ATXN10: variants seen among roughly 807,000 people sequenced by gnomAD.
ATXN10 encodes ataxin-10.
Under a neutral mutation model 52.9 loss-of-function variants are expected in ATXN10, and 28 were observed. The observed-to-expected ratio is 0.53, with a 90% confidence interval of 0.39 to 0.73. ATXN10 has a LOEUF of 0.73. ATXN10 is among the 30% of genes least tolerant of loss of function. The pLI, the probability that ATXN10 is intolerant of heterozygous loss-of-function variation, is 0.00. For synonymous variants in ATXN10, 226 were observed against 221.5 expected (o/e 1.02, Z -0.18); for missense variants, 565 against 577.0 (o/e 0.98, Z 0.21).
In ATXN10 at chr22:45,733,660, G is replaced by A. The variant is rs1250994502; in HGVS notation, c.894+4070G>A. On this transcript the variant is annotated intron_variant, in intron 7 of 11. Transcript: ENST00000252934. The surrounding 1 kb of genome is among the most constrained non-coding windows in gnomAD (Gnocchi z 4.4). ...CTGTCCCAGCTACTCGGGAGGCGGA[G>A]GCAGAGAATCACGTGAACCCGGGAG... Among the ~76,000 whole-genome samples the A allele has an allele frequency of 1.3e-5, 2 of 151,904 alleles. No individual in the cohort carries two copies. Among genetic ancestry groups the A allele is most frequent in the African/African-American group, 4.8e-5 (2 of 41,380 alleles).
Position 45,786,910 on chromosome 22 carries a change from T to C in ATXN10, c.1174-20049T>C, listed in dbSNP as rs1372622747. 6.6e-6 allele frequency among the ~76,000 whole-genome samples: 1 copy of C among 152,146 alleles called. No homozygotes were observed. Among genetic ancestry groups the C allele is most frequent in the Non-Finnish European group, 1.5e-5 (1 of 68,010 alleles). On this transcript the variant is annotated intron_variant, in intron 9 of 11. Transcript: ENST00000252934. This position sits in a 1 kb window ranked among gnomAD's most constrained non-coding sequence, Gnocchi z 4.1. ...GTTTTGTTTTTGTCCAGTAATTCTT[T>C]TCGGAATTTCTCCAAAGGAAATAAT... is the stretch of plus-strand genomic sequence containing the variant.
At chr22:45,777,136 A>T (rs1926987107) in intron 9 of ATXN10, among the ~76,000 whole-genome samples, 2 of 152,190 alleles carry the variant, frequency 1.3e-5, no homozygotes, top group Non-Finnish European at 1.5e-5. Flanking sequence ...GTTACTCCTA[A>T]GTGATACCTT....
intron 6 of ATXN10, among the ~76,000 whole-genome samples, chr22:45,723,734 T>TC: frequency 6.6e-6 from 1 of 152,256 alleles, no homozygotes; most frequent in African/African-American, 2.4e-5. Flanking sequence ...GGAAGTCAGA[T>TC]CACTTGAGAC....
chr22:45,820,807 G>A lies in ATXN10; in HGVS notation c.1237+13785G>A, dbSNP rs914340235. 6.6e-6 allele frequency among the ~76,000 whole-genome samples: 1 copy of A among 152,130 alleles called. No homozygotes were observed. The highest frequency in any genetic ancestry group is 2.4e-5 in the African/African-American group (1 of 41,440). ...TGAGCTGCCGGGAAAGTCGTCTTGG[G>A]GAATGGACAGACCTTTTCTTCAGGG... On this transcript the variant is annotated intron_variant, in intron 10 of 11. Transcript: ENST00000252934. This position sits in a 1 kb window ranked among gnomAD's most constrained non-coding sequence, Gnocchi z 4.9.
At chr22:45,714,501 C>T (rs1169553220) in intron 5 of ATXN10, among the ~76,000 whole-genome samples, 1 of 152,044 alleles carries the variant, frequency 6.6e-6, no homozygotes, top group Non-Finnish European at 1.5e-5. Context: ...CCTCCTCAGC[C>T]CACTGAGAAG....
intron 1 of ATXN10, chr22:45,674,211 TACTG>T (rs1184218376): frequency 2.0e-5 from 3 of 152,064 alleles, no homozygotes; most frequent in African/African-American, 7.2e-5. Flanking sequence ...GTAGAATAAA[TACTG>T]AGAGATACAA....
intron 10 of ATXN10, among the ~76,000 whole-genome samples, chr22:45,836,412 C>T (rs1283793147): frequency 1.3e-5 from 2 of 152,236 alleles, no homozygotes; most frequent in Non-Finnish European, 2.9e-5. Flanking sequence ...CTGGCCCCCT[C>T]CCTGTCTCCT....
chr22:45,799,087 G>GGT (rs1555896525), intron 9 of ATXN10, among the ~76,000 whole-genome samples: 11 of 149,500 alleles, frequency 7.4e-5, no homozygotes, highest in East Asian at 3.9e-4. Context: ...TTTGTTTTTT[G>GGT]TTTTTCTTTT....
At chr22:45,726,255 GTC>G (rs1399504749) in intron 6 of ATXN10, among the ~76,000 whole-genome samples, 3 of 152,080 alleles carry the variant, frequency 2.0e-5, no homozygotes, top group African/African-American at 7.2e-5. Context: ...TTCTTTGAAT[GTC>G]TGGTGGAATT....
rs2146898277 is a variant in ATXN10 at position 45,819,225 on chromosome 22, TAGAATAGA to T, written c.1237+12205_1237+12212del. On this transcript the variant is annotated intron_variant, in intron 10 of 11. Transcript: ENST00000252934. This position sits in a 1 kb window ranked among gnomAD's most constrained non-coding sequence, Gnocchi z 4.5. ...TAGAATAGAATAGAATAGAATAGAA[TAGAATAGA>T]ATAGAATAGAATAGAATAGGCTTTT... Among the ~76,000 whole-genome samples, 1 of 148,452 alleles carries T rather than the reference TAGAATAGA, an allele frequency of 6.7e-6. No individual in the cohort carries two copies. Among genetic ancestry groups the T allele is most frequent in the South Asian group, 2.1e-4 (1 of 4,784 alleles).
chr22:45,687,123 T>G (rs914564522), intron 1 of ATXN10, among the ~76,000 whole-genome samples: 4 of 152,336 alleles, frequency 2.6e-5, no homozygotes, highest in Non-Finnish European at 2.9e-5. Context: ...TGGCCTTAGC[T>G]CAGTTAAATG....
chr22:45,702,582 C>T, intron 4 of ATXN10, 107 bp from the exon 5 acceptor site: 1 of 1,005,496 alleles, frequency 9.9e-7, no homozygotes, highest in East Asian at 2.5e-5. Context: ...AATTCTAAAT[C>T]CTCAAAAGTA....
intron 6 of ATXN10, among the ~76,000 whole-genome samples, chr22:45,722,925 C>A (rs371842770): frequency 6.6e-6 from 1 of 152,088 alleles, no homozygotes; most frequent in Non-Finnish European, 1.5e-5. Context: ...ACTCACAAAT[C>A]TGATAAAATT....
chr22:45,836,636 A>C (rs914643964), intron 10 of ATXN10, among the ~76,000 whole-genome samples: 1 of 152,080 alleles, frequency 6.6e-6, no homozygotes, highest in Non-Finnish European at 1.5e-5. Context: ...CTGGGGTGAG[A>C]TGGGGTGAGG....
chr22:45,782,116 ACT>A (rs935350858), intron 9 of ATXN10, among the ~76,000 whole-genome samples: 4 of 152,130 alleles, frequency 2.6e-5, no homozygotes, highest in African/African-American at 9.7e-5. Flanking sequence ...AAGTGACTCA[ACT>A]CTCTGGAAAT....
Position 45,672,031 on chromosome 22 carries a change from C to A in ATXN10, c.-33C>A. ...CTTCGTCCTCCTCGCCTTCCTCCTC[C>A]TCGTCAGGCTCGACCCAGCTGTGAG... On this transcript the variant is annotated 5_prime_UTR_variant, in exon 1 of 12. Coordinates refer to ENST00000252934, the MANE Select transcript of ATXN10 (RefSeq NM_013236.4). The A allele has an allele frequency of 6.5e-7, 1 of 1,530,956 alleles. No homozygotes were observed. The allele number at this position is 1,530,956 out of a possible 1,614,324, so 94.8% of individuals were successfully genotyped here.
intron 9 of ATXN10, among the ~76,000 whole-genome samples, chr22:45,779,039 C>G (rs927175133): frequency 6.6e-6 from 1 of 152,090 alleles, no homozygotes; most frequent in African/African-American, 2.4e-5. Flanking sequence ...GGAGACTGGA[C>G]TGAGTTTTTC....
At chr22:45,792,134 A>T (rs569811450) in intron 9 of ATXN10, among the ~76,000 whole-genome samples, 1 of 152,336 alleles carries the variant, frequency 6.6e-6, no homozygotes, top group African/African-American at 2.4e-5. Flanking sequence ...AATTTTAAAA[A>T]AGTCTAAATA....
intron 3 of ATXN10, 93 bp from the exon 4 acceptor site, chr22:45,700,187 TTC>T (rs1923785786): frequency 1.1e-6 from 1 of 939,250 alleles, no homozygotes; most frequent in Admixed American, 2.5e-5. Context: ...AGCAGAAACT[TTC>T]TGTTTAATAA....
Sources: gnomAD v4.1 joint callset for allele counts (sites outside exome capture counted in the v4.1 genomes callset) on GRCh38, gnomAD v4.1.1 for gene constraint, Gnocchi (gnomAD v3.1) non-coding constraint, MANE v1.5 for transcripts, NCBI Gene and HGNC (gene_info 2026-07-23, HGNC 2026-07-21) for gene names.